Variants in MAP2K5 observed in about 807,000 individuals in gnomAD.
The protein encoded by MAP2K5 is dual specificity mitogen-activated protein kinase kinase 5.
In MAP2K5, 49 loss-of-function variants were observed where a neutral mutation model predicts 83.1. The ratio of observed to expected loss-of-function variants is 0.59; its 90% confidence interval spans 0.47 to 0.75. The LOEUF (loss-of-function observed/expected upper bound fraction) is 0.75. MAP2K5 is among the 30% of genes least tolerant of loss of function. The pLI is 0.00. For synonymous variants in MAP2K5, 202 were observed against 191.8 expected, an observed-to-expected ratio of 1.05 and a Z score of -0.44; for missense variants, 457 against 557.5, an observed-to-expected ratio of 0.82 and a Z score of 1.82.
intron 8 of MAP2K5, among the ~76,000 whole-genome samples, chr15:67,601,236 C>T (rs1213072778): frequency 6.6e-6 from 1 of 152,110 alleles, no homozygotes; most frequent in Non-Finnish European, 1.5e-5. Flanking sequence ...GAGATAATTT[C>T]TACACATTGA....
chr15:67,597,810 C>T (rs2085560656), intron 7 of MAP2K5, among the ~76,000 whole-genome samples: 1 of 151,870 alleles, frequency 6.6e-6, no homozygotes, highest in Admixed American at 6.5e-5. Flanking sequence ...TTTTTCCCAT[C>T]CCCCCCAAAT....
intron 19 of MAP2K5, among the ~76,000 whole-genome samples, chr15:67,752,431 G>A (rs914008252): frequency 9.9e-5 from 15 of 151,854 alleles, no homozygotes; most frequent in African/African-American, 3.6e-4. Flanking sequence ...TGTAATTCCA[G>A]CACTTTGGGA....
intron 9 of MAP2K5, among the ~76,000 whole-genome samples, chr15:67,643,478 G>T (rs936814270): frequency 6.9e-6 from 1 of 144,460 alleles, no homozygotes; most frequent in Admixed American, 6.9e-5. Flanking sequence ...ACAGAGTCTC[G>T]CTCTGTTGCC....
intron 16 of MAP2K5, among the ~76,000 whole-genome samples, chr15:67,707,407 T>A (rs1413669750): frequency 6.6e-6 from 1 of 152,236 alleles, no homozygotes; most frequent in Non-Finnish European, 1.5e-5. Flanking sequence ...TTTTAGAATC[T>A]GAGGAACAAA....
In MAP2K5 at chr15:67,754,735, A is replaced by G. The variant is rs117887146; in HGVS notation, c.1134+6134A>G. On this transcript the variant is annotated intron_variant, in intron 19 of 21. Coordinates refer to ENST00000178640, the MANE Select transcript of MAP2K5 (RefSeq NM_145160.3). ...TCCCAGCAGAGGGAGGGACACCACCATAGGTATCTAAGTGTGAGGCAGCTT... is the reference window on the plus strand; with the variant it reads ...TCCCAGCAGAGGGAGGGACACCACCGTAGGTATCTAAGTGTGAGGCAGCTT... 9.1e-4 allele frequency among the ~76,000 whole-genome samples: 139 copies of G among 152,286 alleles called. 1 individual carries two copies. The highest frequency in any genetic ancestry group is 6.8e-3 in the Middle Eastern group (2 of 294).
chr15:67,628,160 G>GA, intron 8 of MAP2K5: 2 of 995,970 alleles, frequency 2.0e-6, no homozygotes, highest in Non-Finnish European at 3.1e-6. Context: ...ACTTAACTGT[G>GA]AAAAAGATAT....
At chr15:67,592,276 T>C (rs2141013331) in intron 6 of MAP2K5, among the ~76,000 whole-genome samples, 1 of 152,310 alleles carries the variant, frequency 6.6e-6, no homozygotes, top group East Asian at 1.9e-4. Context: ...ATTAATTTTA[T>C]TTGTAAAAAC....
chr15:67,554,845 A>G (rs991602824), intron 2 of MAP2K5, among the ~76,000 whole-genome samples: 2 of 152,240 alleles, frequency 1.3e-5, no homozygotes, highest in African/African-American at 4.8e-5. Flanking sequence ...TATAAAATGT[A>G]TATGGTCTAA....
intron 15 of MAP2K5, among the ~76,000 whole-genome samples, chr15:67,699,991 C>T (rs1266764747): frequency 6.8e-6 from 1 of 146,846 alleles, no homozygotes; most frequent in Non-Finnish European, 1.5e-5. Flanking sequence ...AAAAAAAATC[C>T]TCATCACTTG....
chr15:67,607,593 C>A, intron 8 of MAP2K5, among the ~76,000 whole-genome samples: 1 of 152,210 alleles, frequency 6.6e-6, no homozygotes, highest in East Asian at 1.9e-4. Context: ...AGTTTCCACC[C>A]GAATTAACTA....
intron 13 of MAP2K5, among the ~76,000 whole-genome samples, chr15:67,691,250 C>T (rs1031539432): frequency 3.3e-5 from 5 of 152,200 alleles, no homozygotes; most frequent in African/African-American, 1.2e-4. Flanking sequence ...AGACAAAGTC[C>T]TTGCCTTCAT....
intron 8 of MAP2K5, among the ~76,000 whole-genome samples, chr15:67,611,509 C>T (rs952019318): frequency 1.3e-5 from 2 of 152,098 alleles, no homozygotes; most frequent in Non-Finnish European, 2.9e-5. Flanking sequence ...GTGGAAGATG[C>T]CAAGAGGTAC....
chr15:67,682,710 G>A (rs1370859131), intron 13 of MAP2K5, among the ~76,000 whole-genome samples: 3 of 151,788 alleles, frequency 2.0e-5, no homozygotes, highest in African/African-American at 7.3e-5. Flanking sequence ...GCAGGTGCCT[G>A]TAGTCCCAGC....
intron 21 of MAP2K5, among the ~76,000 whole-genome samples, chr15:67,795,022 T>C (rs2090581583): frequency 6.6e-6 from 1 of 152,252 alleles, no homozygotes. Context: ...CCACCACCAT[T>C]ATCACTTCTC....
rs2090205984 is a variant in MAP2K5, at chr15:67,774,678, A to G, written c.1242+1926A>G. 6.6e-6 allele frequency among the ~76,000 whole-genome samples: 1 copy of G among 152,028 alleles called. No individual in the cohort carries two copies. Among genetic ancestry groups the G allele is most frequent in the South Asian group, 2.1e-4 (1 of 4,808 alleles). On this transcript the variant is annotated intron_variant, in intron 21 of 21. Coordinates refer to ENST00000178640, the MANE Select transcript of MAP2K5 (RefSeq NM_145160.3). This position sits in a 1 kb window ranked among gnomAD's most constrained non-coding sequence, Gnocchi z 4.9. ...TTTTCCTTTTCTCTTCCCACCTACA[A>G]CCTATTTGATGGTGCTCCCATCTGG... is the stretch of plus-strand genomic sequence containing the variant.
chr15:67,765,363 A>AT (rs11372039), intron 19 of MAP2K5, among the ~76,000 whole-genome samples: 43,210 of 151,958 alleles, frequency 0.28, 6,599 homozygotes, highest in African/African-American at 0.39. Context: ...ATCTAATAAA[A>AT]TTTTTTTAAA....
In MAP2K5 at chr15:67,690,026, A is replaced by C. The variant is rs1276190889; in HGVS notation, c.848-2453A>C. On this transcript the variant is annotated intron_variant, in intron 13 of 21. Coordinates refer to ENST00000178640, the MANE Select transcript of MAP2K5 (RefSeq NM_145160.3). The surrounding 1 kb of genome is among the most constrained non-coding windows in gnomAD (Gnocchi z 4.3). ...ATTATGGGATTTTTGTGTGTGTGCC[A>C]TTTTTTTTAAATCTCTTCAGCTATT... is the stretch of plus-strand genomic sequence containing the variant. Among the ~76,000 whole-genome samples the C allele has an allele frequency of 6.6e-6, 1 of 151,984 alleles. No individual in the cohort carries two copies. The highest frequency in any genetic ancestry group is 1.5e-5 in the Non-Finnish European group (1 of 67,974).
At chr15:67,737,269 G>A (rs1290565553) in intron 17 of MAP2K5, among the ~76,000 whole-genome samples, 1 of 152,178 alleles carries the variant, frequency 6.6e-6, no homozygotes, top group African/African-American at 2.4e-5. Flanking sequence ...AGCAGTAGTA[G>A]CAGCAGCAAC....
rs760985381 is a variant in MAP2K5 at position 67,698,307 on chromosome 15, C to A, written c.972+4739C>A. On this transcript the variant is annotated intron_variant, in intron 15 of 21. Coordinates refer to ENST00000178640, the MANE Select transcript of MAP2K5 (RefSeq NM_145160.3). This position sits in a 1 kb window ranked among gnomAD's most constrained non-coding sequence, Gnocchi z 4.5. ...GGTTCAAGCGATTCTCCTGCCTCAG[C>A]CTCCAGAGTAGCTGGGATTACAGGC... Among the ~76,000 whole-genome samples, 3 of 152,096 alleles carry A rather than the reference C, an allele frequency of 2.0e-5. No homozygotes were observed. The highest frequency in any genetic ancestry group is 4.4e-5 in the Non-Finnish European group (3 of 68,014).
Sources: allele counts gnomAD v4.1 joint callset (sites outside exome capture counted in the v4.1 genomes callset), GRCh38; gene constraint gnomAD v4.1.1; non-coding constraint Gnocchi (gnomAD v3.1); transcripts MANE v1.5; gene names NCBI Gene and HGNC (gene_info 2026-07-23, HGNC 2026-07-21).